Variants in WDPCP observed in about 807,000 individuals in gnomAD.
WDPCP encodes the protein WD repeat containing planar cell polarity effector.
WDPCP carries 71 observed loss-of-function variants against 93.1 expected under a neutral mutation model. The ratio of observed to expected loss-of-function variants is 0.76; its 90% CI spans 0.63 to 0.93. The LOEUF (loss-of-function observed/expected upper bound fraction) is 0.93. WDPCP is among the 40% of genes least tolerant of loss of function. The probability of loss-of-function intolerance (pLI) is 0.00; values close to 1 mark genes in which losing one functional copy is unlikely to be tolerated. For missense variants in WDPCP, 844 were observed against 887.4 expected (o/e 0.95, Z 0.62); for synonymous variants, 315 against 315.0 (o/e 1.00, Z 0.00).
chr2:63,675,261 C>T (rs1710391200), intron 2 of WDPCP, among the ~76,000 whole-genome samples: 1 of 152,184 alleles, frequency 6.6e-6, no homozygotes, highest in South Asian at 2.1e-4. Context: ...CAGTGAGTTT[C>T]TCAGAATCTT....
chr2:63,682,631 ATAAT>A (rs1433367014), intron 2 of WDPCP, among the ~76,000 whole-genome samples: 1 of 152,148 alleles, frequency 6.6e-6, no homozygotes, highest in African/African-American at 2.4e-5. Flanking sequence ...ATTCAAATGG[ATAAT>A]AACAGAGAAC....
chr2:63,416,205 T>TC (rs1392164329), intron 9 of WDPCP, among the ~76,000 whole-genome samples: 3 of 151,718 alleles, frequency 2.0e-5, no homozygotes, highest in East Asian at 1.9e-4. Flanking sequence ...TTTTCCTTTT[T>TC]TTTTTTTCTT....
intron 6 of WDPCP, among the ~76,000 whole-genome samples, chr2:63,455,149 G>C (rs1293622280): frequency 6.6e-6 from 1 of 151,348 alleles, no homozygotes; most frequent in Non-Finnish European, 1.5e-5. Flanking sequence ...ATGAGAAAGA[G>C]GAAAGACTCA....
intron 1 of WDPCP, among the ~76,000 whole-genome samples, chr2:63,513,753 CCT>C (rs1223755064): frequency 6.6e-6 from 1 of 152,140 alleles, no homozygotes; most frequent in Non-Finnish European, 1.5e-5. Context: ...CTGGGTTTCC[CCT>C]CTCAGTCTAT....
intron 1 of WDPCP, among the ~76,000 whole-genome samples, chr2:63,554,978 C>T (rs1400679042): frequency 1.3e-5 from 2 of 152,222 alleles, no homozygotes; most frequent in African/African-American, 2.4e-5. Context: ...TCTGAGCAGT[C>T]CACAAATTAG....
chr2:63,376,328 G>A (rs12713490), intron 12 of WDPCP, among the ~76,000 whole-genome samples: 83,310 of 151,614 alleles, frequency 0.55, 23,208 homozygotes, highest in Admixed American at 0.63. Flanking sequence ...ACATAGAAAA[G>A]CTGGAGAATA....
chr2:63,525,308 C>G (rs1201309506), intron 1 of WDPCP, among the ~76,000 whole-genome samples: 7 of 152,094 alleles, frequency 4.6e-5, no homozygotes, highest in African/African-American at 1.7e-4. Context: ...TACTTATTTC[C>G]TGGGTGACAA....
rs1674340213 is a variant in WDPCP, at chr2:63,182,741, T to C, written c.1916-7909A>G. Among the ~76,000 whole-genome samples, 3 of 151,632 alleles carry C rather than the reference T, an allele frequency of 2.0e-5. No homozygotes were observed. In the South Asian group the frequency reaches 6.3e-4, roughly 32 times the overall value. On this transcript the variant is annotated intron_variant, in intron 14 of 17. Coordinates refer to ENST00000272321, the MANE Select transcript of WDPCP (RefSeq NM_015910.7). ...TGGTACCAGTTCTTTGTAGATTTGGTAGAATTTGGCTGTGAATCCATTTGG... is the reference window on the plus strand; with the variant it reads ...TGGTACCAGTTCTTTGTAGATTTGGCAGAATTTGGCTGTGAATCCATTTGG...
chr2:63,756,476 C>A (rs570123595), intron 2 of WDPCP, among the ~76,000 whole-genome samples: 71 of 152,196 alleles, frequency 4.7e-4, no homozygotes, highest in African/African-American at 1.4e-3. Context: ...TGATAAAAAA[C>A]CAAATATACA....
At chr2:63,365,185 C>T (rs372665677) in intron 12 of WDPCP, among the ~76,000 whole-genome samples, 12 of 152,146 alleles carry the variant, frequency 7.9e-5, no homozygotes, top group African/African-American at 2.9e-4. Flanking sequence ...AATTTGAACT[C>T]AGCACCACAT....
At chr2:63,712,014 A>G (rs1004748940) in intron 2 of WDPCP, among the ~76,000 whole-genome samples, 3 of 152,086 alleles carry the variant, frequency 2.0e-5, no homozygotes, top group Non-Finnish European at 2.9e-5. Flanking sequence ...CATTCTCCCT[A>G]TATCAGAGAG....
At chr2:63,607,658 A>G (rs1294088503) in intron 3 of WDPCP, among the ~76,000 whole-genome samples, 2 of 151,286 alleles carry the variant, frequency 1.3e-5, no homozygotes, top group Non-Finnish European at 2.9e-5. Context: ...GTGAAACCCC[A>G]TCTCTACTAA....
chr2:63,588,460 C>A lies in WDPCP; in HGVS notation c.-189G>T. The A allele has an allele frequency of 1.4e-6, 1 of 693,822 alleles. No individual in the cohort carries two copies. Among genetic ancestry groups the A allele is most frequent in the Non-Finnish European group, 2.6e-6 (1 of 382,162 alleles). The allele number at this position is 693,822 out of a possible 1,614,324, so 43.0% of individuals were successfully genotyped here. ...TCGCTTAGCAACCTGAGAAGCTGTC[C>A]GGTCGTCCCAACTTATCAATTCCCC... On this transcript the variant is annotated 5_prime_UTR_variant, in exon 1 of 18. Coordinates refer to ENST00000272321, the MANE Select transcript of WDPCP (RefSeq NM_015910.7).
chr2:63,175,405 C>T (rs1233344083), intron 14 of WDPCP, among the ~76,000 whole-genome samples: 1 of 113,760 alleles, frequency 8.8e-6, no homozygotes, highest in Non-Finnish European at 2.0e-5. Context: ...GAAACATAAA[C>T]CTTATTAAAA....
chr2:63,615,841 T>G (rs1439351572), intron 3 of WDPCP, among the ~76,000 whole-genome samples: 2 of 152,220 alleles, frequency 1.3e-5, no homozygotes, highest in African/African-American at 4.8e-5. Flanking sequence ...CTACTCATGC[T>G]TCTTCTCTTA....
chr2:63,558,527 C>CAAAAAAAAAAAAAAAAAA (rs57582852), intron 1 of WDPCP, among the ~76,000 whole-genome samples: 1 of 143,256 alleles, frequency 7.0e-6, no homozygotes, highest in Admixed American at 6.9e-5. Context: ...GACTCTGTCT[C>CAAAAAAAAAAAAAAAAAA]AAAAAAAAAA....
intron 12 of WDPCP, among the ~76,000 whole-genome samples, chr2:63,341,518 T>G (rs1205517062): frequency 6.6e-6 from 1 of 152,178 alleles, no homozygotes; most frequent in Non-Finnish European, 1.5e-5. Flanking sequence ...TAGTGGGTAG[T>G]GTATTCTGTT....
intron 2 of WDPCP, among the ~76,000 whole-genome samples, chr2:63,675,591 T>C (rs903264333): frequency 6.6e-6 from 1 of 152,206 alleles, no homozygotes; most frequent in Admixed American, 6.5e-5. Context: ...ACTCCAGTTT[T>C]ATATAAATTA....
chr2:63,302,579 G>C (rs1685413570), intron 13 of WDPCP, among the ~76,000 whole-genome samples: 2 of 152,102 alleles, frequency 1.3e-5, no homozygotes, highest in Non-Finnish European at 1.5e-5. Flanking sequence ...CCAACAAAAG[G>C]GTAAAAATTT....
Sources: gnomAD v4.1 joint callset for allele counts (sites outside exome capture counted in the v4.1 genomes callset) on GRCh38, gnomAD v4.1.1 for gene constraint, MANE v1.5 for transcripts, NCBI Gene and HGNC (gene_info 2026-07-23, HGNC 2026-07-21) for gene names.